TEX11: variants seen among roughly 807,000 people sequenced by gnomAD.
TEX11 encodes the protein testis expressed 11, also known as testis-expressed protein 11.
A neutral mutation model predicts 84.4 loss-of-function variants in TEX11; 7 were observed. That is an observed-to-expected ratio of 0.08 (90% confidence interval 0.05 to 0.16). The LOEUF is 0.16. TEX11 is among the 10% of genes least tolerant of loss of function. The pLI is 1.00. For missense variants in TEX11, 551 were observed against 660.5 expected, an observed-to-expected ratio of 0.83 and a Z score of 1.82; for synonymous variants, 264 against 222.8, an observed-to-expected ratio of 1.18 and a Z score of -1.64.
chrX:70,820,929 G>A lies in TEX11; in HGVS notation c.606+12584C>T, dbSNP rs745845570. Among the ~76,000 whole-genome samples the A allele has an allele frequency of 2.7e-5, 3 of 111,634 alleles. No homozygotes were observed. In the East Asian group the frequency reaches 8.4e-4, roughly 31 times the overall value. The stretch of plus-strand genomic sequence containing the variant: ...GAAGAAAACAAGGGAAAAGCTTCTT[G>A]ACATTCATCCTGGCAATGAGTTTTT... On this transcript the variant is annotated intron_variant, in intron 8 of 29. Coordinates refer to ENST00000374333, the MANE Select transcript of TEX11 (RefSeq NM_031276.3).
chrX:70,776,503 C>T, intron 9 of TEX11, among the ~76,000 whole-genome samples: 1 of 107,042 alleles, frequency 9.3e-6, no homozygotes, highest in East Asian at 2.9e-4. Flanking sequence ...GTTGAGGCCA[C>T]AGTGAGCCAA....
At chrX:70,568,230 C>T (rs1249772021) in intron 25 of TEX11, among the ~76,000 whole-genome samples, 1 of 111,236 alleles carries the variant, frequency 9.0e-6, no homozygotes, top group Non-Finnish European at 1.9e-5. Context: ...ATCGCAACCC[C>T]TGCCTTTGTT....
At chrX:70,900,302 C>T (rs1384068060) in intron 2 of TEX11, among the ~76,000 whole-genome samples, 14 of 102,232 alleles carry the variant, frequency 1.4e-4, no homozygotes, top group African/African-American at 4.0e-4. Context: ...ACCCGGGAGG[C>T]GGAGGTTGCA....
At chrX:70,755,877 G>A (rs1222297348) in intron 9 of TEX11, among the ~76,000 whole-genome samples, 1 of 112,340 alleles carries the variant, frequency 8.9e-6, no homozygotes, top group Non-Finnish European at 1.9e-5. Context: ...TGGAGGAATG[G>A]TATACTCCTG....
chrX:70,565,742 T>C (rs1603073542), intron 25 of TEX11, among the ~76,000 whole-genome samples: 1 of 110,819 alleles, frequency 9.0e-6, no homozygotes, highest in African/African-American at 3.3e-5. Context: ...CTGAGGGCTC[T>C]GTTCTGTTCC....
At chrX:70,678,166 T>C (rs1272999880) in intron 15 of TEX11, among the ~76,000 whole-genome samples, 1 of 108,480 alleles carries the variant, frequency 9.2e-6, no homozygotes, top group Non-Finnish European at 1.9e-5. Context: ...TTGCCTGATG[T>C]TCAGGGTCAT....
chrX:70,612,501 C>T (rs1220984711), intron 20 of TEX11, among the ~76,000 whole-genome samples: 2 of 110,532 alleles, frequency 1.8e-5, no homozygotes, highest in African/African-American at 6.6e-5. Context: ...AAAAGGAATG[C>T]TAGTGATCAA....
In TEX11 at chrX:70,706,806, T is replaced by C. The variant is rs766371455; in HGVS notation, c.1004+15812A>G. 1.2e-3 allele frequency among the ~76,000 whole-genome samples: 135 copies of C among 110,891 alleles called. 1 individual carries two copies. The highest frequency in any genetic ancestry group is 4.2e-3 in the African/African-American group (128 of 30,605). ...AACCTAGTTTCAGGCTCTTATTACTTCATATTTGAGCTACTTACAACAACT... is the reference window on the plus strand; with the variant it reads ...AACCTAGTTTCAGGCTCTTATTACTCCATATTTGAGCTACTTACAACAACT... On this transcript the variant is annotated intron_variant, in intron 13 of 29. Transcript: ENST00000374333.
intron 7 of TEX11, among the ~76,000 whole-genome samples, chrX:70,838,627 G>C (rs1380738053): frequency 1.8e-5 from 2 of 112,116 alleles, no homozygotes; most frequent in African/African-American, 6.5e-5. Context: ...GGGAGTGCCA[G>C]ACAGTAGGTG....
chrX:70,855,106 T>C (rs764951341), intron 5 of TEX11, among the ~76,000 whole-genome samples: 1 of 110,944 alleles, frequency 9.0e-6, no homozygotes, highest in South Asian at 3.8e-4. Flanking sequence ...TATAAAAATA[T>C]ATATAATTAA....
At chrX:70,648,370 C>A (rs748490297) in intron 17 of TEX11, among the ~76,000 whole-genome samples, 2 of 109,740 alleles carry the variant, frequency 1.8e-5, no homozygotes, top group East Asian at 5.7e-4. Flanking sequence ...ATGTAACAAA[C>A]CTGCATGTTG....
chrX:70,666,798 G>A lies in TEX11; in HGVS notation c.1380+3579C>T, dbSNP rs531272818. Among the ~76,000 whole-genome samples, 12 of 111,454 alleles carry A rather than the reference G, an allele frequency of 1.1e-4. No homozygotes were observed. In the South Asian group the frequency reaches 4.6e-3, roughly 43 times the overall value. Reference sequence around the variant, plus strand: ...TCTTTGCCATTCTTTAAATACCCTAGGGCCTTTGCAGTTGTTATTCCCTCC... The same window carrying A: ...TCTTTGCCATTCTTTAAATACCCTAAGGCCTTTGCAGTTGTTATTCCCTCC... On this transcript the variant is annotated intron_variant, in intron 16 of 29. Coordinates refer to ENST00000374333, the MANE Select transcript of TEX11 (RefSeq NM_031276.3).
the TEX11 span, among the ~76,000 whole-genome samples, chrX:70,523,096 A>C: frequency 9.1e-6 from 1 of 109,504 alleles, no homozygotes; most frequent in Non-Finnish European, 1.9e-5. Flanking sequence ...TTTTAAATTA[A>C]AAAAGTAATA....
chrX:70,782,221 C>T (rs1403454353), intron 9 of TEX11, among the ~76,000 whole-genome samples: 2 of 111,346 alleles, frequency 1.8e-5, no homozygotes, highest in Non-Finnish European at 3.8e-5. Flanking sequence ...CCAAACTAAG[C>T]TTCATAAGTG....
the TEX11 span, among the ~76,000 whole-genome samples, chrX:70,511,752 C>CAAAAAAAAAAAAAAAAAAAAAA: frequency 1.8e-4 from 6 of 32,724 alleles, no homozygotes; most frequent in East Asian, 7.7e-4. Flanking sequence ...GACTCCATCT[C>CAAAAAAAAAAAAAAAAAAAAAA]AAAAAAAAAA....
intron 24 of TEX11, among the ~76,000 whole-genome samples, chrX:70,602,704 C>T (rs998914942): frequency 9.3e-6 from 1 of 107,370 alleles, no homozygotes; most frequent in African/African-American, 3.4e-5. Context: ...CTGGCCACGG[C>T]AATTAGGCAG....
At chrX:70,775,569 G>A (rs1419389928) in intron 9 of TEX11, among the ~76,000 whole-genome samples, 7 of 109,162 alleles carry the variant, frequency 6.4e-5, no homozygotes, top group Non-Finnish European at 7.6e-5. Flanking sequence ...GGCTGGGTGC[G>A]GTGGCTCACT....
At chrX:70,630,968 C>T (rs1391580998) in intron 17 of TEX11, among the ~76,000 whole-genome samples, 1 of 112,068 alleles carries the variant, frequency 8.9e-6, no homozygotes. Flanking sequence ...GAGGACATAA[C>T]TCTGAATGCT....
At chrX:70,848,148 A>G (rs1055460718) in intron 7 of TEX11, among the ~76,000 whole-genome samples, 4 of 112,015 alleles carry the variant, frequency 3.6e-5, no homozygotes, top group African/African-American at 1.3e-4. Flanking sequence ...AGGTGCCACC[A>G]AACCTCTTCC....
Sources: allele counts gnomAD v4.1 joint callset (sites outside exome capture counted in the v4.1 genomes callset), GRCh38; gene constraint gnomAD v4.1.1; transcripts MANE v1.5; gene names NCBI Gene and HGNC (gene_info 2026-07-23, HGNC 2026-07-21).